Variants in NEDD4L observed in about 807,000 individuals in gnomAD.
NEDD4L encodes E3 ubiquitin-protein ligase NEDD4-like.
In NEDD4L, 54 loss-of-function variants were observed where a neutral mutation model predicts 148.9. The ratio of observed to expected loss-of-function variants is 0.36; its 90% CI spans 0.29 to 0.45. NEDD4L has a LOEUF of 0.45. Ranked by LOEUF, NEDD4L falls within the 20% of genes least tolerant of loss-of-function variation. The pLI is 1.00. For missense variants in NEDD4L, 856 were observed against 1,233.8 expected (o/e 0.69, Z 4.59); for synonymous variants, 433 against 440.7 (o/e 0.98, Z 0.22).
chr18:58,308,866 C>T (rs1324406628), intron 5 of NEDD4L, among the ~76,000 whole-genome samples: 1 of 152,228 alleles, frequency 6.6e-6, no homozygotes, highest in African/African-American at 2.4e-5. Context: ...ACCTGATGCC[C>T]TCATCACCCA....
intron 5 of NEDD4L, among the ~76,000 whole-genome samples, chr18:58,281,308 C>T (rs985046277): frequency 1.4e-5 from 2 of 146,340 alleles, no homozygotes; most frequent in African/African-American, 5.0e-5. Flanking sequence ...AGTCTCTCTC[C>T]TTTTTTTTTT....
intron 5 of NEDD4L, among the ~76,000 whole-genome samples, chr18:58,313,562 T>C (rs189077332): frequency 8.1e-4 from 124 of 152,342 alleles, no homozygotes; most frequent in Non-Finnish European, 1.6e-3. Context: ...TGCTGACATA[T>C]GGCACACAGT....
chr18:58,316,098 T>C lies in NEDD4L; in HGVS notation c.348+66T>C, dbSNP rs2288774. The C allele has an allele frequency of 0.48, 613,781 of 1,288,724 alleles. 149,735 individuals are homozygous for C. The highest frequency in any genetic ancestry group is 0.64 in the African/African-American group (43,340 of 68,134). The allele number at this position is 1,288,724 out of a possible 1,614,324, so 79.8% of individuals were successfully genotyped here. A position where few individuals can be genotyped will look rare whatever the true frequency, so the allele number is the denominator to read the frequency against. On this transcript the variant is annotated intron_variant, in intron 6 of 30. Transcript: ENST00000400345. ...GGGGTTTCTAATTGTTTGTAGTCAGTGTATTTTCAGAGTGGCATTTCTTCA... is the reference window on the plus strand; with the variant it reads ...GGGGTTTCTAATTGTTTGTAGTCAGCGTATTTTCAGAGTGGCATTTCTTCA...
In NEDD4L at chr18:58,256,569, C is replaced by T; in HGVS notation, c.297+4515C>T. The T allele has an allele frequency of 8.1e-7, 1 of 1,232,324 alleles. No individual in the cohort carries two copies. Among genetic ancestry groups the T allele is most frequent in the Non-Finnish European group, 1.0e-6 (1 of 988,110 alleles). 76.3% of individuals were successfully genotyped at this position (1,232,324 alleles called of 1,614,324 possible). Reference sequence around the variant, plus strand: ...GGAGCCCTGGAGGCATCGCCTCGAGCTGGCAGGATGGCTCCTGAAATCCGC... The same window carrying T: ...GGAGCCCTGGAGGCATCGCCTCGAGTTGGCAGGATGGCTCCTGAAATCCGC... On this transcript the variant is annotated intron_variant, in intron 5 of 30. Transcript: ENST00000400345. The surrounding 1 kb of genome is among the most constrained non-coding windows in gnomAD (Gnocchi z 5.2).
chr18:58,110,619 G>T (rs571570), intron 1 of NEDD4L, among the ~76,000 whole-genome samples: 139,113 of 152,264 alleles, frequency 0.91, 63,621 homozygotes, highest in East Asian at 1. Flanking sequence ...CTGTGCCACC[G>T]CCACCCACGA....
At chr18:58,228,264 C>CTACT (rs35634926) in intron 2 of NEDD4L, among the ~76,000 whole-genome samples, 65,992 of 151,774 alleles carry the variant, frequency 0.43, 15,485 homozygotes, top group East Asian at 0.81. Context: ...AACAACTGCG[C>CTACT]TACTGATAGG....
At chr18:58,124,306 C>T (rs1301502768) in intron 1 of NEDD4L, among the ~76,000 whole-genome samples, 4 of 152,216 alleles carry the variant, frequency 2.6e-5, no homozygotes, top group Non-Finnish European at 5.9e-5. Flanking sequence ...CTGCCCTCAT[C>T]TTCCTCCGCC....
chr18:58,100,595 A>G (rs2145480657), intron 1 of NEDD4L, among the ~76,000 whole-genome samples: 1 of 152,302 alleles, frequency 6.6e-6, no homozygotes, highest in Non-Finnish European at 1.5e-5. Context: ...AAAGCATTCC[A>G]GATCTCTCTT....
At chr18:58,059,374 G>T (rs1439416923) in intron 1 of NEDD4L, among the ~76,000 whole-genome samples, 1 of 152,176 alleles carries the variant, frequency 6.6e-6, no homozygotes. Flanking sequence ...ACCCATGTTT[G>T]ATTGCTTTAT....
Position 58,296,220 on chromosome 18 carries a change from A to G in NEDD4L, c.298-19762A>G, listed in dbSNP as rs79934165. On this transcript the variant is annotated intron_variant, in intron 5 of 30. Coordinates refer to ENST00000400345, the MANE Select transcript of NEDD4L (RefSeq NM_001144967.3). ...CAGGACACTATTAGTTAGGAAGGAG[A>G]TTGTCCCATGCAATTCAGCCTTGCA... 2.0e-5 allele frequency among the ~76,000 whole-genome samples: 3 copies of G among 152,106 alleles called. No individual in the cohort carries two copies. The East Asian group carries it at 5.8e-4, about 29-fold the overall frequency.
At chr18:58,126,588 A>G (rs2031142884) in intron 1 of NEDD4L, among the ~76,000 whole-genome samples, 1 of 152,230 alleles carries the variant, frequency 6.6e-6, no homozygotes, top group African/African-American at 2.4e-5. Context: ...TGATGCTGCC[A>G]TGAACACTTG....
intron 2 of NEDD4L, among the ~76,000 whole-genome samples, chr18:58,234,191 TC>T (rs879572974): frequency 3.5e-5 from 5 of 143,038 alleles, no homozygotes; most frequent in African/African-American, 1.3e-4. Context: ...TTTCCTTCCT[TC>T]CCCCCTTCCT....
intron 1 of NEDD4L, among the ~76,000 whole-genome samples, chr18:58,098,694 G>A (rs916857402): frequency 1.3e-5 from 2 of 152,044 alleles, no homozygotes; most frequent in Non-Finnish European, 2.9e-5. Flanking sequence ...CACACTTTCC[G>A]GAATTATTTC....
At chr18:58,364,232 G>T in intron 19 of NEDD4L, 36 bp from the exon 20 acceptor site, 1 of 1,285,726 alleles carries the variant, frequency 7.8e-7, no homozygotes, top group Non-Finnish European at 1.1e-6. Flanking sequence ...CAGGTGTATT[G>T]TTTGCATTAT....
intron 2 of NEDD4L, among the ~76,000 whole-genome samples, chr18:58,242,074 C>A (rs2046699885): frequency 6.7e-6 from 1 of 150,216 alleles, no homozygotes. Context: ...CTACCCAGAT[C>A]CCGTGGGACC....
intron 5 of NEDD4L, among the ~76,000 whole-genome samples, chr18:58,296,416 T>C (rs1273478400): frequency 6.6e-6 from 1 of 152,234 alleles, no homozygotes; most frequent in Admixed American, 6.5e-5. Flanking sequence ...CAGACATTTA[T>C]CCTCTCACAG....
intron 2 of NEDD4L, among the ~76,000 whole-genome samples, chr18:58,200,887 G>C (rs2041318932): frequency 6.6e-6 from 1 of 152,216 alleles, no homozygotes; most frequent in South Asian, 2.1e-4. Flanking sequence ...TTTGCAGTAG[G>C]AGTCAGGTGT....
At chr18:58,203,673 C>T (rs1243957979) in intron 2 of NEDD4L, among the ~76,000 whole-genome samples, 1 of 150,404 alleles carries the variant, frequency 6.6e-6, no homozygotes, top group Admixed American at 6.6e-5. Context: ...TTAAAATAAC[C>T]ATGACTGGTA....
chr18:58,085,767 C>T (rs753373093), intron 1 of NEDD4L, among the ~76,000 whole-genome samples: 8 of 152,164 alleles, frequency 5.3e-5, no homozygotes, highest in Non-Finnish European at 1.0e-4. Context: ...ATTTTTGCAA[C>T]CAACTCTTTT....
Sources: allele counts gnomAD v4.1 joint callset (sites outside exome capture counted in the v4.1 genomes callset), GRCh38; gene constraint gnomAD v4.1.1; non-coding constraint Gnocchi (gnomAD v3.1); transcripts MANE v1.5; gene names NCBI Gene and HGNC (gene_info 2026-07-23, HGNC 2026-07-21).